AGBL1: variants seen among roughly 807,000 people sequenced by gnomAD.
The protein encoded by AGBL1 is cytosolic carboxypeptidase 4.
Under a neutral mutation model 118.9 loss-of-function variants are expected in AGBL1, and 130 were observed. The ratio of observed to expected loss-of-function variants is 1.09; its 90% CI spans 0.95 to 1.26. The LOEUF (loss-of-function observed/expected upper bound fraction) is 1.26. Among genes scored for constraint, AGBL1 ranks in the 50% most tolerant of loss-of-function variants. The pLI is 0.00. For missense variants in AGBL1, 1,584 were observed against 1,298.1 expected (o/e 1.22, Z -3.38); for synonymous variants, 555 against 478.9 (o/e 1.16, Z -2.08).
At chr15:86,892,207 C>T (rs2080061969) in intron 22 of AGBL1, among the ~76,000 whole-genome samples, 1 of 152,094 alleles carries the variant, frequency 6.6e-6, no homozygotes, top group Non-Finnish European at 1.5e-5. Context: ...CACTTCCTTC[C>T]TGTTTTATTC....
At position 86,749,823 on chromosome 15, in the gene AGBL1, C is replaced by T. The variant is rs368722584; in HGVS notation, c.3158+75387C>T. On this transcript the variant is annotated intron_variant, in intron 22 of 22. Coordinates refer to ENST00000614907, the MANE Select transcript of AGBL1 (RefSeq NM_001386094.1). ...ATGCTGGATTACTTTTATTGATTTG[C>T]GTATGTTGAACCAGCCTTGCATCCC... Among the ~76,000 whole-genome samples the T allele has an allele frequency of 7.2e-5, 11 of 152,178 alleles. No homozygotes were observed. In the South Asian group the frequency reaches 1.4e-3, roughly 20 times the overall value.
At chr15:86,388,351 C>T (rs1442905868) in intron 17 of AGBL1, among the ~76,000 whole-genome samples, 2 of 152,090 alleles carry the variant, frequency 1.3e-5, no homozygotes, top group African/African-American at 4.8e-5. Context: ...AATTTTGCTT[C>T]CTGTTAGCAG....
intron 22 of AGBL1, among the ~76,000 whole-genome samples, chr15:86,900,115 T>C (rs775531992): frequency 7.9e-5 from 12 of 152,140 alleles, no homozygotes; most frequent in Non-Finnish European, 1.8e-4. Context: ...TGCCAGGAGC[T>C]CTCGGGCCTT....
At chr15:86,164,184 T>A (rs572517531) in intron 5 of AGBL1, among the ~76,000 whole-genome samples, 4 of 152,360 alleles carry the variant, frequency 2.6e-5, no homozygotes, top group African/African-American at 9.6e-5. Flanking sequence ...ATTAAAACTT[T>A]GCTGTCTATT....
At chr15:86,987,304 C>T (rs1897655) in intron 23 of AGBL1, among the ~76,000 whole-genome samples, 129,064 of 152,176 alleles carry the variant, frequency 0.85, 55,511 homozygotes, top group South Asian at 0.98. Context: ...TTTACAATTG[C>T]TATTGCTAGT....
chr15:86,858,277 A>C (rs953644178), intron 22 of AGBL1, among the ~76,000 whole-genome samples: 4 of 152,216 alleles, frequency 2.6e-5, no homozygotes, highest in Non-Finnish European at 5.9e-5. Context: ...AGTATTGGAA[A>C]ATTAGATATA....
intron 17 of AGBL1, among the ~76,000 whole-genome samples, chr15:86,297,355 A>G (rs541316915): frequency 2.9e-4 from 44 of 152,336 alleles, no homozygotes; most frequent in Middle Eastern, 3.4e-3. Context: ...TGAAAGGGCT[A>G]GTTAGGGCCA....
chr15:86,734,829 G>A (rs1019043539), intron 22 of AGBL1, among the ~76,000 whole-genome samples: 1 of 152,062 alleles, frequency 6.6e-6, no homozygotes, highest in African/African-American at 2.4e-5. Context: ...AAAAGAGCAA[G>A]CCTTTCCTTA....
At chr15:86,659,855 A>C (rs2142513277) in intron 21 of AGBL1, among the ~76,000 whole-genome samples, 1 of 152,210 alleles carries the variant, frequency 6.6e-6, no homozygotes, top group South Asian at 2.1e-4. Context: ...TGGGCATCAA[A>C]GTTATATGGG....
At chr15:86,871,720 C>T (rs976834808) in intron 22 of AGBL1, among the ~76,000 whole-genome samples, 1 of 152,116 alleles carries the variant, frequency 6.6e-6, no homozygotes, top group Non-Finnish European at 1.5e-5. Context: ...TCACCTCTAC[C>T]TTCACGCTCT....
chr15:86,577,955 G>C lies in AGBL1; in HGVS notation c.2994+23418G>C, dbSNP rs1028673927. ...GGAAAACTTCTGCTAGGGTAGTGTGGAAGGGAAATGTTGGGTTGGAACCCC... is the reference window on the plus strand; with the variant it reads ...GGAAAACTTCTGCTAGGGTAGTGTGCAAGGGAAATGTTGGGTTGGAACCCC... On this transcript the variant is annotated intron_variant, in intron 21 of 22. Transcript: ENST00000614907. Among the ~76,000 whole-genome samples the C allele has an allele frequency of 3.3e-5, 5 of 152,334 alleles. No homozygotes were observed. In the South Asian group the frequency reaches 1.0e-3, roughly 32 times the overall value.
At chr15:86,290,853 A>C (rs996292721) in intron 16 of AGBL1, among the ~76,000 whole-genome samples, 10 of 145,416 alleles carry the variant, frequency 6.9e-5, no homozygotes, top group African/African-American at 2.3e-4. Context: ...CCCCGACCCC[A>C]CAACAGTCCC....
chr15:86,263,029 A>C (rs1377098438), intron 10 of AGBL1, 135 bp downstream of exon 10: 1 of 678,266 alleles, frequency 1.5e-6, no homozygotes, highest in African/African-American at 1.8e-5. Context: ...TCTTCCTTAG[A>C]GAAAAGCAGA....
intron 22 of AGBL1, among the ~76,000 whole-genome samples, chr15:86,738,264 C>T (rs2077629190): frequency 6.6e-6 from 1 of 152,134 alleles, no homozygotes; most frequent in Admixed American, 6.5e-5. Flanking sequence ...AATTACACAG[C>T]TAACATCATA....
chr15:86,654,444 T>C (rs553763206), intron 21 of AGBL1, among the ~76,000 whole-genome samples: 63 of 152,304 alleles, frequency 4.1e-4, no homozygotes, highest in African/African-American at 1.4e-3. Context: ...CTGGAACTAT[T>C]AATAGCTGTG....
intron 5 of AGBL1, among the ~76,000 whole-genome samples, chr15:86,218,768 C>T (rs1037701856): frequency 6.6e-6 from 1 of 152,188 alleles, no homozygotes; most frequent in Non-Finnish European, 1.5e-5. Context: ...TCTGTTGATA[C>T]AGCAAGCCGG....
At chr15:86,992,371 C>G (rs1343259498) in intron 24 of AGBL1, among the ~76,000 whole-genome samples, 1 of 152,290 alleles carries the variant, frequency 6.6e-6, no homozygotes, top group African/African-American at 2.4e-5. Context: ...ATGTAAGATA[C>G]TTAGCAAATA....
rs117413449 is a variant in AGBL1 at position 86,216,502 on chromosome 15, G to A, written c.489-8412G>A. ...GGATTTTATCAAATACTTTTCCTGC[G>A]TGTTTTGAGATGATCAGGTATTTTC... On this transcript the variant is annotated intron_variant, in intron 5 of 22. Transcript: ENST00000614907. Among the ~76,000 whole-genome samples the A allele has an allele frequency of 5.8e-4, 88 of 152,120 alleles. 1 individual carries two copies. In the East Asian group the frequency reaches 8.7e-3, roughly 15 times the overall value.
At chr15:86,982,557 C>T (rs2081241949) in intron 23 of AGBL1, among the ~76,000 whole-genome samples, 1 of 152,150 alleles carries the variant, frequency 6.6e-6, no homozygotes, top group Admixed American at 6.5e-5. Context: ...CCTCCTCCAC[C>T]TCGCCTGCCT....
Sources: allele counts gnomAD v4.1 joint callset (sites outside exome capture counted in the v4.1 genomes callset), GRCh38; gene constraint gnomAD v4.1.1; transcripts MANE v1.5; gene names NCBI Gene and HGNC (gene_info 2026-07-23, HGNC 2026-07-21).